The following IL1RAPL2 variants were observed in gnomAD, a reference collection of about 807,000 sequenced individuals.
IL1RAPL2 encodes the protein interleukin 1 receptor accessory protein like 2, also known as X-linked interleukin-1 receptor accessory protein-like 2.
IL1RAPL2 carries 3 observed loss-of-function variants against 44.1 expected under a neutral mutation model. The observed-to-expected ratio is 0.07, with a 90% CI of 0.03 to 0.18. IL1RAPL2 has a LOEUF of 0.18. Ranked by LOEUF, IL1RAPL2 falls within the 10% of genes least tolerant of loss-of-function variation. IL1RAPL2 has a pLI of 1.00. For missense variants in IL1RAPL2, 391 were observed against 496.4 expected (o/e 0.79, Z 2.02); for synonymous variants, 181 against 178.8 (o/e 1.01, Z -0.10).
At chrX:104,949,254 C>G (rs1215561169) in intron 2 of IL1RAPL2, among the ~76,000 whole-genome samples, 1 of 109,478 alleles carries the variant, frequency 9.1e-6, no homozygotes, top group Non-Finnish European at 1.9e-5. Flanking sequence ...TCTGTGGGAT[C>G]GGTGGTGATA....
At chrX:105,538,680 T>G (rs1454243984) in intron 6 of IL1RAPL2, among the ~76,000 whole-genome samples, 1 of 111,405 alleles carries the variant, frequency 9.0e-6, no homozygotes, top group Non-Finnish European at 1.9e-5. Flanking sequence ...TGATGGGAAG[T>G]CCTAGCCAGA....
Position 104,891,413 on chromosome X carries a change from G to A in IL1RAPL2, c.82+232418G>A, listed in dbSNP as rs150318634. On this transcript the variant is annotated intron_variant, in intron 2 of 10. Transcript: ENST00000372582. ...GCAGTATTGCCATTTTCACAATATT[G>A]ATTCTTCCTATCCATGAGCATGGAA... 3.1e-3 allele frequency among the ~76,000 whole-genome samples: 344 copies of A among 112,013 alleles called. 2 individuals carry two copies. The highest frequency in any genetic ancestry group is 0.023 in the Middle Eastern group (5 of 216).
Position 105,032,379 on chromosome X carries a change from C to T in IL1RAPL2, c.83-163096C>T, listed in dbSNP as rs1480412450. On this transcript the variant is annotated intron_variant, in intron 2 of 10. Transcript: ENST00000372582. ...GTGGGCATTTAGTGCTATAAATTTC[C>T]CTCTACACACTGCTTTGAATGTGTC... is the stretch of plus-strand genomic sequence containing the variant. Among the ~76,000 whole-genome samples, 15 of 107,978 alleles carry T rather than the reference C, an allele frequency of 1.4e-4. No individual in the cohort carries two copies. In the Admixed American group the frequency reaches 1.4e-3, roughly 10 times the overall value. 93.8% of individuals were successfully genotyped at this position (107,978 alleles called of 115,157 possible).
chrX:105,031,752 A>T (rs186235614), intron 2 of IL1RAPL2, among the ~76,000 whole-genome samples: 15 of 111,586 alleles, frequency 1.3e-4, no homozygotes, highest in African/African-American at 3.9e-4. Context: ...GATGATGCTG[A>T]CCTCATAAAA....
intron 2 of IL1RAPL2, among the ~76,000 whole-genome samples, chrX:104,833,409 A>G (rs184128168): frequency 7.2e-4 from 81 of 112,548 alleles, no homozygotes; most frequent in Admixed American, 5.6e-3. Flanking sequence ...TCACAAAGAA[A>G]TCTTTTCATA....
chrX:104,801,726 G>C (rs1350964371), intron 2 of IL1RAPL2, among the ~76,000 whole-genome samples: 1 of 111,439 alleles, frequency 9.0e-6, no homozygotes, highest in African/African-American at 3.3e-5. Flanking sequence ...AGGAATAGCT[G>C]AATTCAGTTT....
At chrX:105,405,037 G>T (rs6523846) in intron 5 of IL1RAPL2, among the ~76,000 whole-genome samples, 21,979 of 110,720 alleles carry the variant, frequency 0.2, 5,336 homozygotes, top group African/African-American at 0.69. Context: ...CATATATATA[G>T]AGAGAGAGAC....
At chrX:105,137,821 C>T (rs192244974) in intron 2 of IL1RAPL2, among the ~76,000 whole-genome samples, 62 of 112,209 alleles carry the variant, frequency 5.5e-4, no homozygotes, top group African/African-American at 1.9e-3. Flanking sequence ...ATCTCAACAA[C>T]TTGGGAGGCC....
chrX:105,748,249 C>T (rs1452999332), intron 8 of IL1RAPL2, among the ~76,000 whole-genome samples: 1 of 111,914 alleles, frequency 8.9e-6, no homozygotes, highest in Non-Finnish European at 1.9e-5. Flanking sequence ...CTAGGGATGC[C>T]CCCCTGGAGC....
intron 2 of IL1RAPL2, among the ~76,000 whole-genome samples, chrX:105,116,307 C>T (rs1372981318): frequency 8.9e-6 from 1 of 112,590 alleles, no homozygotes; most frequent in East Asian, 2.8e-4. Context: ...TCTGAACTTC[C>T]CTTGTTTGAT....
chrX:105,451,638 T>C (rs1462576180), intron 5 of IL1RAPL2, among the ~76,000 whole-genome samples: 1 of 112,071 alleles, frequency 8.9e-6, no homozygotes, highest in East Asian at 2.8e-4. Flanking sequence ...ATCTGTGCTT[T>C]GATTACATAA....
chrX:105,539,811 A>G (rs1349853479), intron 6 of IL1RAPL2, among the ~76,000 whole-genome samples: 3 of 111,972 alleles, frequency 2.7e-5, no homozygotes, highest in African/African-American at 9.7e-5. Context: ...TGATGAACTT[A>G]AACAATTGTA....
chrX:104,816,816 A>G (rs1389280774), intron 2 of IL1RAPL2, among the ~76,000 whole-genome samples: 1 of 112,068 alleles, frequency 8.9e-6, no homozygotes, highest in Non-Finnish European at 1.9e-5. Flanking sequence ...CTTAACTTTC[A>G]ATATGTGTAG....
At chrX:104,993,697 T>C (rs1377304061) in intron 2 of IL1RAPL2, among the ~76,000 whole-genome samples, 1 of 111,593 alleles carries the variant, frequency 9.0e-6, no homozygotes, top group African/African-American at 3.2e-5. Context: ...ACTGCTTTCA[T>C]AGAGAATATC....
intron 6 of IL1RAPL2, among the ~76,000 whole-genome samples, chrX:105,643,083 C>T (rs931081875): frequency 8.9e-6 from 1 of 112,042 alleles, no homozygotes; most frequent in African/African-American, 3.2e-5. Context: ...TTCCTCTATG[C>T]CAGGTGTCTC....
intron 6 of IL1RAPL2, among the ~76,000 whole-genome samples, chrX:105,578,478 G>A (rs942885134): frequency 5.4e-5 from 6 of 111,119 alleles, no homozygotes; most frequent in African/African-American, 2.0e-4. Flanking sequence ...CTGAAGAAAT[G>A]CCTCAATGGG....
chrX:104,985,903 T>C (rs1297243499), intron 2 of IL1RAPL2, among the ~76,000 whole-genome samples: 2 of 112,011 alleles, frequency 1.8e-5, no homozygotes, highest in African/African-American at 3.2e-5. Flanking sequence ...TGATAGAAAC[T>C]TGTGGTATGC....
At chrX:104,723,768 C>T (rs1228285951) in intron 2 of IL1RAPL2, among the ~76,000 whole-genome samples, 1 of 110,855 alleles carries the variant, frequency 9.0e-6, no homozygotes, top group African/African-American at 3.3e-5. Context: ...TCTATGATCC[C>T]CAAACTTAGA....
rs2038629259 is a variant in IL1RAPL2, at chrX:105,755,361, A to G, written c.1363+14A>G. 6.1e-6 allele frequency: 7 copies of G among 1,155,616 alleles called. No individual in the cohort carries two copies. Among genetic ancestry groups the G allele is most frequent in the Non-Finnish European group, 8.2e-6 (7 of 853,121 alleles). On this transcript the variant is annotated intron_variant, in intron 10 of 10. Transcript: ENST00000372582. Reference sequence around the variant, plus strand: ...TTCCAAGTGGAAGTAAGTACTTTCAAATTTTGTGTTTAAAACGTTCTGTTT... The same window carrying G: ...TTCCAAGTGGAAGTAAGTACTTTCAGATTTTGTGTTTAAAACGTTCTGTTT...
Sources: allele counts gnomAD v4.1 joint callset (sites outside exome capture counted in the v4.1 genomes callset), GRCh38; gene constraint gnomAD v4.1.1; transcripts MANE v1.5; gene names NCBI Gene and HGNC (gene_info 2026-07-23, HGNC 2026-07-21).